Variants in BNC2 observed in about 807,000 individuals in gnomAD.
BNC2 encodes zinc finger protein basonuclin-2.
Under a neutral mutation model 76.3 loss-of-function variants are expected in BNC2, and 20 were observed. That is an observed-to-expected ratio of 0.26 (90% CI 0.18 to 0.38). The LOEUF (loss-of-function observed/expected upper bound fraction) is 0.38, where lower values mean the gene tolerates loss of function less well. Among genes scored for constraint, BNC2 ranks in the 10% least tolerant of loss-of-function variants. The pLI, the probability that BNC2 is intolerant of heterozygous loss-of-function variation, is 1.00. For synonymous variants in BNC2, 582 were observed against 514.8 expected (o/e 1.13, Z -1.77); for missense variants, 1,382 against 1,399.8 (o/e 0.99, Z 0.20).
At chr9:16,864,165 C>T (rs977620175) in intron 1 of BNC2, among the ~76,000 whole-genome samples, 1 of 152,100 alleles carries the variant, frequency 6.6e-6, no homozygotes, top group Non-Finnish European at 1.5e-5. Context: ...TCTAAAGAAC[C>T]AGGCTATGCT....
At chr9:16,564,961 G>A (rs182155916) in intron 4 of BNC2, among the ~76,000 whole-genome samples, 23 of 152,054 alleles carry the variant, frequency 1.5e-4, no homozygotes, top group Non-Finnish European at 2.6e-4. Flanking sequence ...CCTTGCTTCC[G>A]TAGGTCATCG....
intron 5 of BNC2, among the ~76,000 whole-genome samples, chr9:16,457,220 G>T (rs936359152): frequency 6.6e-6 from 1 of 152,130 alleles, no homozygotes; most frequent in African/African-American, 2.4e-5. Flanking sequence ...ATGGAACAAG[G>T]GGTGTCAATA....
At chr9:16,453,215 G>A (rs548887569) in intron 5 of BNC2, among the ~76,000 whole-genome samples, 1 of 152,276 alleles carries the variant, frequency 6.6e-6, no homozygotes, top group East Asian at 1.9e-4. Context: ...TCAGGCTTGA[G>A]ATACTATTAT....
At chr9:16,815,047 A>T (rs760075516) in intron 1 of BNC2, among the ~76,000 whole-genome samples, 4 of 152,328 alleles carry the variant, frequency 2.6e-5, no homozygotes, top group Admixed American at 6.5e-5. Context: ...GACCCTAGGA[A>T]ATTATATAAT....
intron 3 of BNC2, among the ~76,000 whole-genome samples, chr9:16,635,733 G>C (rs1427375525): frequency 6.6e-6 from 1 of 152,146 alleles, no homozygotes; most frequent in African/African-American, 2.4e-5. Flanking sequence ...TTCTAGATAC[G>C]ATCTATAATA....
chr9:16,707,334 TGAAG>T (rs1431814347), intron 3 of BNC2, among the ~76,000 whole-genome samples: 2 of 152,216 alleles, frequency 1.3e-5, no homozygotes, highest in Non-Finnish European at 2.9e-5. Context: ...CCAGTAAAAT[TGAAG>T]GAAGAATCAA....
At chr9:16,776,026 C>A (rs1014748848) in intron 1 of BNC2, among the ~76,000 whole-genome samples, 1 of 152,178 alleles carries the variant, frequency 6.6e-6, no homozygotes, top group African/African-American at 2.4e-5. Context: ...GGAACCCCGA[C>A]CAGGTCAGGC....
At chr9:16,437,595 C>A in intron 5 of BNC2, 71 bp from the exon 6 acceptor site, 1 of 1,535,396 alleles carries the variant, frequency 6.5e-7, no homozygotes, top group South Asian at 1.2e-5. Flanking sequence ...TTATTCAATG[C>A]AACTGAAGGT....
intron 3 of BNC2, among the ~76,000 whole-genome samples, chr9:16,660,891 T>G (rs951294846): frequency 1.3e-5 from 2 of 152,330 alleles, no homozygotes; most frequent in Non-Finnish European, 1.5e-5. Flanking sequence ...TACGGGAGGA[T>G]GGACATAGAT....
intron 3 of BNC2, among the ~76,000 whole-genome samples, chr9:16,723,977 ATGT>A (rs1446696128): frequency 2.0e-5 from 3 of 152,142 alleles, no homozygotes; most frequent in African/African-American, 7.2e-5. Context: ...CAATGAAATT[ATGT>A]TGTTAATTTT....
At chr9:16,824,809 A>G (rs1340704103) in intron 1 of BNC2, among the ~76,000 whole-genome samples, 1 of 152,226 alleles carries the variant, frequency 6.6e-6, no homozygotes, top group East Asian at 1.9e-4. Context: ...ACAGTGAAAG[A>G]GAACCCAAAG....
intron 3 of BNC2, among the ~76,000 whole-genome samples, chr9:16,646,847 A>T (rs540406057): frequency 6.6e-6 from 1 of 152,310 alleles, no homozygotes; most frequent in South Asian, 2.1e-4. Context: ...AGATATTGTA[A>T]CAGCTGGGAA....
At chr9:16,836,506 T>C (rs1586922636) in intron 1 of BNC2, among the ~76,000 whole-genome samples, 1 of 150,768 alleles carries the variant, frequency 6.6e-6, no homozygotes, top group Non-Finnish European at 1.5e-5. Context: ...GCCCAGCTCT[T>C]CCTTTCAGGA....
intron 1 of BNC2, among the ~76,000 whole-genome samples, chr9:16,777,700 CAA>C (rs3084426): frequency 7.0e-5 from 7 of 100,460 alleles, no homozygotes; most frequent in Admixed American, 1.1e-4. Flanking sequence ...GACTCCATCT[CAA>C]AAAAAAAAAA....
At chr9:16,744,003 G>A (rs1244208617) in intron 1 of BNC2, among the ~76,000 whole-genome samples, 1 of 151,900 alleles carries the variant, frequency 6.6e-6, no homozygotes, top group Non-Finnish European at 1.5e-5. Flanking sequence ...GTCTCGCTCT[G>A]TCACCCAGGC....
At chr9:16,852,284 C>T (rs1354222663) in intron 1 of BNC2, among the ~76,000 whole-genome samples, 1 of 152,084 alleles carries the variant, frequency 6.6e-6, no homozygotes, top group Non-Finnish European at 1.5e-5. Flanking sequence ...TATTTTCCCC[C>T]AAATCGTAAA....
At chr9:16,803,438 T>C (rs529615291) in intron 1 of BNC2, among the ~76,000 whole-genome samples, 25 of 152,320 alleles carry the variant, frequency 1.6e-4, no homozygotes, top group African/African-American at 5.5e-4. Context: ...ATCCAGCACA[T>C]AGCAAGCCTT....
At chr9:16,431,635 T>A (rs2130795863) in intron 6 of BNC2, 1 of 274,272 alleles carries the variant, frequency 3.6e-6, no homozygotes, top group Middle Eastern at 1.5e-3. Flanking sequence ...CACTACACCT[T>A]GCTATCAGGA....
intron 6 of BNC2, among the ~76,000 whole-genome samples, chr9:16,432,153 G>A (rs1820921635): frequency 6.6e-6 from 1 of 152,154 alleles, no homozygotes; most frequent in Non-Finnish European, 1.5e-5. Flanking sequence ...TTGTCAGTGT[G>A]GAATGGTCCT....
Sources: allele counts gnomAD v4.1 joint callset (sites outside exome capture counted in the v4.1 genomes callset), GRCh38; gene constraint gnomAD v4.1.1; transcripts MANE v1.5; gene names NCBI Gene and HGNC (gene_info 2026-07-23, HGNC 2026-07-21).